Variants in FER observed in about 807,000 individuals in gnomAD.
FER encodes FER tyrosine kinase.
Under a neutral mutation model 111.0 loss-of-function variants are expected in FER, and 63 were observed. The ratio of observed to expected loss-of-function variants is 0.57; its 90% confidence interval spans 0.46 to 0.70. FER has a LOEUF of 0.70. Ranked by LOEUF, FER falls within the 30% of genes least tolerant of loss-of-function variation. FER has a pLI of 0.00. For synonymous variants in FER, 327 were observed against 313.9 expected, an observed-to-expected ratio of 1.04 and a Z score of -0.44; for missense variants, 914 against 954.0, an observed-to-expected ratio of 0.96 and a Z score of 0.55.
chr5:108,929,164 T>A (rs1282441594), intron 10 of FER, among the ~76,000 whole-genome samples: 1 of 152,152 alleles, frequency 6.6e-6, no homozygotes, highest in African/African-American at 2.4e-5. Flanking sequence ...ATATTCCTAA[T>A]GTCATAAAGG....
At chr5:109,078,058 G>T (rs1234612005) in intron 16 of FER, among the ~76,000 whole-genome samples, 1 of 152,106 alleles carries the variant, frequency 6.6e-6, no homozygotes, top group Middle Eastern at 3.2e-3. Context: ...GTATACTCAA[G>T]GGACTGTAAA....
rs189667292 is a variant in FER, at chr5:108,890,580, C to G, written c.1046+7062C>G. On this transcript the variant is annotated intron_variant, in intron 9 of 19. Transcript: ENST00000281092. ...CTGCCTGTGTGTCTCTTCTCTGTAT[C>G]CAAATTTTCCTCTTCTTATAAGGGC... Among the ~76,000 whole-genome samples the G allele has an allele frequency of 2.0e-5, 3 of 152,100 alleles. No individual in the cohort carries two copies. The East Asian group carries it at 5.8e-4, about 29-fold the overall frequency.
intron 17 of FER, among the ~76,000 whole-genome samples, chr5:109,106,945 T>C (rs1293887096): frequency 6.6e-6 from 1 of 152,168 alleles, no homozygotes; most frequent in East Asian, 1.9e-4. Flanking sequence ...AGTAGTTAAC[T>C]ATTTATGGTT....
intron 1 of FER, among the ~76,000 whole-genome samples, chr5:108,763,148 TAATA>T (rs900680105): frequency 6.6e-6 from 1 of 151,664 alleles, no homozygotes; most frequent in Non-Finnish European, 1.5e-5. Context: ...TTGAACGAAT[TAATA>T]AATAAGAAAA....
In FER at chr5:109,187,021, CTATTGAATTCACATTTATAAAATCCTCA is replaced by C. The variant is rs1196001911; in HGVS notation, c.2327-382_2327-355del. The stretch of plus-strand genomic sequence containing the variant: ...ATGACTCATATTCATTTTTATTTCC[CTATTGAATTCACATTTATAAAATCCTCA>C]TATTGAATTCACATTTATAAAATCC... On this transcript the variant is annotated intron_variant, in intron 19 of 19. Coordinates refer to ENST00000281092, the MANE Select transcript of FER (RefSeq NM_005246.4). Among the ~76,000 whole-genome samples, 121 of 152,296 alleles carry C rather than the reference CTATTGAATTCACATTTATAAAATCCTCA, an allele frequency of 7.9e-4. 1 individual carries two copies. Among genetic ancestry groups the C allele is most frequent in the Middle Eastern group, 3.4e-3 (1 of 294 alleles).
At chr5:108,864,719 C>G (rs1367386159) in intron 5 of FER, among the ~76,000 whole-genome samples, 1 of 152,156 alleles carries the variant, frequency 6.6e-6, no homozygotes, top group African/African-American at 2.4e-5. Context: ...TGGTCTATAT[C>G]TCTGTTTTGG....
chr5:108,815,818 A>G (rs1758212764), intron 3 of FER, among the ~76,000 whole-genome samples: 1 of 152,212 alleles, frequency 6.6e-6, no homozygotes, highest in Non-Finnish European at 1.5e-5. Context: ...TAATACATAT[A>G]TAATGTAACT....
chr5:109,045,999 C>A (rs772872859), intron 15 of FER, among the ~76,000 whole-genome samples: 7 of 152,146 alleles, frequency 4.6e-5, no homozygotes, highest in Non-Finnish European at 1.0e-4. Flanking sequence ...TGCTATCCTG[C>A]AAACTCAAGA....
intron 17 of FER, among the ~76,000 whole-genome samples, chr5:109,122,243 A>G (rs115561199): frequency 0.042 from 6,380 of 152,202 alleles, 166 homozygotes; most frequent in South Asian, 0.084. Flanking sequence ...CTTTTGCTGT[A>G]TCTTACAGGT....
Position 109,190,737 on chromosome 5 carries a change from TTC to T in FER, c.*3166_*3167del, listed in dbSNP as rs1470301994. The T allele has an allele frequency of 6.6e-6, 1 of 152,160 alleles. No homozygotes were observed. Among genetic ancestry groups the T allele is most frequent in the Admixed American group, 6.5e-5 (1 of 15,268 alleles). The allele number at this position is 152,160 out of a possible 1,614,324, so 9.4% of individuals were successfully genotyped here. A position where few individuals can be genotyped will look rare whatever the true frequency, so the allele number is the denominator to read the frequency against. On this transcript the variant is annotated 3_prime_UTR_variant, in exon 20 of 20. Coordinates refer to ENST00000281092, the MANE Select transcript of FER (RefSeq NM_005246.4). ...CCAGTGAAAGGTCTCATGTAATTGT[TTC>T]TCTTTTATCTCCCAAATTTAATGTG...
chr5:108,994,376 C>G (rs1763724655), intron 13 of FER, among the ~76,000 whole-genome samples: 1 of 152,114 alleles, frequency 6.6e-6, no homozygotes, highest in African/African-American at 2.4e-5. Flanking sequence ...AATCTTTTCC[C>G]CATTGCTTGT....
At chr5:109,172,456 GGGGAACATCACACTCT>G (rs1757219438) in intron 17 of FER, among the ~76,000 whole-genome samples, 1 of 120,638 alleles carries the variant, frequency 8.3e-6, no homozygotes, top group African/African-American at 3.2e-5. Flanking sequence ...GACACAGGAA[GGGGAACATCACACTCT>G]GGGGACTGTT....
intron 12 of FER, among the ~76,000 whole-genome samples, chr5:108,955,469 A>G (rs1758312662): frequency 6.6e-6 from 1 of 151,900 alleles, no homozygotes; most frequent in Non-Finnish European, 1.5e-5. Context: ...AGAATTAAAA[A>G]TCTATTTACA....
intron 17 of FER, among the ~76,000 whole-genome samples, chr5:109,104,409 T>G (rs1035356520): frequency 6.6e-5 from 10 of 152,184 alleles, no homozygotes; most frequent in Admixed American, 6.5e-4. Flanking sequence ...TGTGATAAAA[T>G]CTACAGAATT....
At position 108,867,750 on chromosome 5, in the gene FER, G is replaced by GTTTT. The variant is rs34195313; in HGVS notation, c.482-7_482-4dup. ...CTTATCTCTTTACTAACTTTCTTCAGTTTTTTTTTTTTTCAGGGAAGGAAA... is the reference window on the plus strand; with the variant it reads ...CTTATCTCTTTACTAACTTTCTTCAGTTTTTTTTTTTTTTTTTCAGGGAAGGAAA... On this transcript the variant is annotated splice_polypyrimidine_tract_variant and intron_variant, in intron 5 of 19. Coordinates refer to ENST00000281092, the MANE Select transcript of FER (RefSeq NM_005246.4). The GTTTT allele has an allele frequency of 7.5e-5, 113 of 1,504,834 alleles. No individual in the cohort carries two copies. Among genetic ancestry groups the GTTTT allele is most frequent in the South Asian group, 2.8e-4 (23 of 81,032 alleles). 93.2% of individuals were successfully genotyped at this position (1,504,834 alleles called of 1,614,324 possible). A position where few individuals can be genotyped will look rare whatever the true frequency, so the allele number is the denominator to read the frequency against.
chr5:109,021,454 G>C (rs1338389770), intron 13 of FER, among the ~76,000 whole-genome samples: 1 of 151,980 alleles, frequency 6.6e-6, no homozygotes, highest in Middle Eastern at 3.2e-3. Context: ...AGTGGGAATT[G>C]CTTTTTTCAT....
At chr5:108,957,909 ATATAT>A (rs1207210303) in intron 12 of FER, among the ~76,000 whole-genome samples, 2 of 151,652 alleles carry the variant, frequency 1.3e-5, no homozygotes, top group East Asian at 1.9e-4. Flanking sequence ...ACCTAGAAAC[ATATAT>A]TATTAGAAAT....
chr5:109,114,937 C>T (rs1750050230), intron 17 of FER, among the ~76,000 whole-genome samples: 1 of 151,948 alleles, frequency 6.6e-6, no homozygotes. Context: ...CTTTTGTTAG[C>T]CATTCGAGTA....
chr5:109,017,410 C>G (rs1339026910), intron 13 of FER, among the ~76,000 whole-genome samples: 1 of 151,874 alleles, frequency 6.6e-6, no homozygotes, highest in African/African-American at 2.4e-5. Flanking sequence ...TGTTTTGAAG[C>G]AAAATGTTGG....
Sources: allele counts gnomAD v4.1 joint callset (sites outside exome capture counted in the v4.1 genomes callset), GRCh38; gene constraint gnomAD v4.1.1; transcripts MANE v1.5; gene names NCBI Gene and HGNC (gene_info 2026-07-23, HGNC 2026-07-21).